EML6: variants seen among roughly 807,000 people sequenced by gnomAD.
EML6 encodes echinoderm microtubule-associated protein-like 6.
EML6 carries 154 observed loss-of-function variants against 240.1 expected under a neutral mutation model. That is an observed-to-expected ratio of 0.64 (90% CI 0.56 to 0.73). The LOEUF (loss-of-function observed/expected upper bound fraction) is 0.73, where lower values mean the gene tolerates loss of function less well. EML6 is among the 30% of genes least tolerant of loss of function. The probability of loss-of-function intolerance (pLI) is 0.00; values close to 1 mark genes in which losing one functional copy is unlikely to be tolerated. For missense variants in EML6, 2,964 were observed against 2,474.6 expected (o/e 1.20, Z -4.20); for synonymous variants, 1,148 against 899.0 (o/e 1.28, Z -4.95).
intron 28 of EML6, among the ~76,000 whole-genome samples, chr2:54,934,827 A>G (rs758836319): frequency 3.9e-5 from 6 of 152,216 alleles, no homozygotes; most frequent in Non-Finnish European, 7.3e-5. Flanking sequence ...CTAGGATTCC[A>G]GGTGTGAGCC....
chr2:54,961,612 G>A (rs1172311252), intron 35 of EML6, among the ~76,000 whole-genome samples: 1 of 152,124 alleles, frequency 6.6e-6, no homozygotes, highest in Non-Finnish European at 1.5e-5. Flanking sequence ...GGTGATGGAG[G>A]AGTCTGTGCT....
chr2:54,962,083 GTT>G (rs533390678), intron 35 of EML6, among the ~76,000 whole-genome samples: 18 of 132,194 alleles, frequency 1.4e-4, no homozygotes, highest in Non-Finnish European at 1.9e-4. Flanking sequence ...CAAGTTACTT[GTT>G]TTTTTTTTTT....
intron 29 of EML6, 125 bp from the exon 30 acceptor site, chr2:54,950,525 G>T: frequency 1.0e-6 from 1 of 1,004,808 alleles, no homozygotes; most frequent in Non-Finnish European, 1.4e-6. Flanking sequence ...TTCAGTGAGT[G>T]TGTGTTGGCG....
At position 54,895,019 on chromosome 2, in the gene EML6, C is replaced by G; in HGVS notation, c.2847C>G (p.Ser949Arg). 7.1e-6 allele frequency: 11 copies of G among 1,548,194 alleles called. No individual in the cohort carries two copies. In the South Asian group the frequency reaches 1.3e-4, roughly 18 times the overall value. The change falls in exon 20 of 42, where the codon AGC becomes AGG. Residue 949 changes from serine (S) to arginine (R), a missense_variant. Coordinates refer to ENST00000356458, the MANE Select transcript of EML6 (RefSeq NM_001039753.4). The stretch of plus-strand genomic sequence containing the variant: ...TTAAAAGATCAGCATTGTCGACTAG[C>G]TCAAAAGGTGCCACTCCCAAACATG... ...YAIKRSALST[S>R]SKGLLLEDNP...
intron 2 of EML6, among the ~76,000 whole-genome samples, chr2:54,746,379 C>G (rs1348155836): frequency 1.3e-5 from 2 of 151,330 alleles, no homozygotes; most frequent in East Asian, 3.8e-4. Context: ...GATGGAGCAA[C>G]AAGTCAGAGG....
chr2:54,963,244 G>T (rs1238389602), intron 36 of EML6, among the ~76,000 whole-genome samples: 1 of 152,210 alleles, frequency 6.6e-6, no homozygotes, highest in East Asian at 1.9e-4. Context: ...AAAATGGCTG[G>T]TAAGTGTTTG....
At chr2:54,812,880 T>C (rs1490278890) in intron 2 of EML6, among the ~76,000 whole-genome samples, 1 of 152,176 alleles carries the variant, frequency 6.6e-6, no homozygotes, top group Non-Finnish European at 1.5e-5. Context: ...AGTCAAAAGC[T>C]AACTTGAAAA....
At chr2:54,959,778 A>ATT (rs1374905579) in intron 34 of EML6, among the ~76,000 whole-genome samples, 170 of 150,486 alleles carry the variant, frequency 1.1e-3, no homozygotes, top group African/African-American at 3.8e-3. Flanking sequence ...AAATTAATAA[A>ATT]TTAAAAGAAA....
chr2:54,963,334 T>A (rs966227256), intron 36 of EML6, among the ~76,000 whole-genome samples: 2 of 152,252 alleles, frequency 1.3e-5, no homozygotes, highest in African/African-American at 4.8e-5. Flanking sequence ...TTAGTTTCTG[T>A]AATTATTTAT....
chr2:54,920,136 C>G (rs947562966), intron 26 of EML6, among the ~76,000 whole-genome samples: 4 of 151,964 alleles, frequency 2.6e-5, no homozygotes, highest in South Asian at 2.1e-4. Flanking sequence ...GAAGACCAAA[C>G]TAAGCTTCCT....
At chr2:54,823,668 G>A (rs947221505) in intron 5 of EML6, among the ~76,000 whole-genome samples, 2 of 152,022 alleles carry the variant, frequency 1.3e-5, no homozygotes, top group African/African-American at 4.8e-5. Context: ...GGCTGTGGTG[G>A]GTTTCTGGAA....
intron 40 of EML6, among the ~76,000 whole-genome samples, 173 bp from the exon 41 acceptor site, chr2:54,968,495 G>T (rs747326902): frequency 2.0e-5 from 3 of 152,208 alleles, no homozygotes; most frequent in Non-Finnish European, 4.4e-5. Context: ...AGTGGGGCAA[G>T]GATGAGAGGC....
intron 2 of EML6, among the ~76,000 whole-genome samples, chr2:54,766,443 A>G (rs1668191900): frequency 6.6e-6 from 1 of 152,122 alleles, no homozygotes. Context: ...GGGTTTGTCC[A>G]GTGTTTTCTT....
rs571355432 is a variant in EML6 at position 54,830,225 on chromosome 2, T to G, written c.847+748T>G. Among the ~76,000 whole-genome samples, 5 of 152,216 alleles carry G rather than the reference T, an allele frequency of 3.3e-5. No individual in the cohort carries two copies. In the South Asian group the frequency reaches 1.0e-3, roughly 32 times the overall value. The stretch of plus-strand genomic sequence containing the variant: ...CAAAGAATTTACAGCCGAGAAAGAT[T>G]AAAGTGGAAAATGTAAATAGGTAAG... On this transcript the variant is annotated intron_variant, in intron 7 of 41. Coordinates refer to ENST00000356458, the MANE Select transcript of EML6 (RefSeq NM_001039753.4).
At chr2:54,868,086 A>C (rs1671065235) in intron 14 of EML6, 1 of 152,214 alleles carries the variant, frequency 6.6e-6, no homozygotes, top group Non-Finnish European at 1.5e-5. Flanking sequence ...AGAGGAATGT[A>C]AGATATCTCA....
chr2:54,940,977 G>A (rs1230586365), intron 28 of EML6, among the ~76,000 whole-genome samples: 1 of 152,190 alleles, frequency 6.6e-6, no homozygotes, highest in Non-Finnish European at 1.5e-5. Context: ...GCTCATAAGT[G>A]ACTACGAGAA....
At chr2:54,935,393 T>C (rs1341783583) in intron 28 of EML6, among the ~76,000 whole-genome samples, 2 of 152,212 alleles carry the variant, frequency 1.3e-5, no homozygotes, top group African/African-American at 4.8e-5. Context: ...AACCTTAGGG[T>C]ATTTTACTGT....
chr2:54,935,926 A>T (rs1292648895), intron 28 of EML6, among the ~76,000 whole-genome samples: 2 of 152,126 alleles, frequency 1.3e-5, no homozygotes, highest in Non-Finnish European at 2.9e-5. Flanking sequence ...GCTACTCAGG[A>T]GGCTGGGGTG....
At chr2:54,814,225 G>A (rs1405263855) in intron 3 of EML6, among the ~76,000 whole-genome samples, 1 of 152,148 alleles carries the variant, frequency 6.6e-6, no homozygotes, top group African/African-American at 2.4e-5. Context: ...AGCAGACCTT[G>A]CATGTTTGTA....
Sources: allele counts gnomAD v4.1 joint callset (sites outside exome capture counted in the v4.1 genomes callset), GRCh38; gene constraint gnomAD v4.1.1; transcripts MANE v1.5; gene names NCBI Gene and HGNC (gene_info 2026-07-23, HGNC 2026-07-21).